Variants in FLII observed in about 807,000 individuals in gnomAD.
FLII encodes FLII actin remodeling protein.
A neutral mutation model predicts 156.2 loss-of-function variants in FLII; 101 were observed. The observed-to-expected ratio is 0.65, with a 90% CI of 0.55 to 0.76. The LOEUF (loss-of-function observed/expected upper bound fraction) is 0.76, where lower values mean the gene tolerates loss of function less well. Ranked by LOEUF, FLII falls within the 30% of genes least tolerant of loss-of-function variation. The pLI, the probability that FLII is intolerant of heterozygous loss-of-function variation, is 0.00. For synonymous variants in FLII, 767 were observed against 685.8 expected (o/e 1.12, Z -1.85); for missense variants, 1,675 against 1,682.8 (o/e 1.00, Z 0.08).
intron 25 of FLII, 47 bp downstream of exon 25, chr17:18,246,114 AC>A: frequency 6.2e-7 from 1 of 1,613,258 alleles, no homozygotes; most frequent in Non-Finnish European, 8.5e-7. Flanking sequence ...GCCCCCAAAC[AC>A]CCCACCCCTT....
chr17:18,247,123 G>GGGGCCC, intron 21 of FLII, 46 bp downstream of exon 21: 1 of 1,249,068 alleles, frequency 8.0e-7, no homozygotes, highest in Non-Finnish European at 1.0e-6. Context: ...CCCTCGGCCT[G>GGGGCCC]CCCCCCACCC....
chr17:18,249,406 C>T lies in FLII; in HGVS notation c.1779G>A (p.Val593=), dbSNP rs368808735. ...CAATGTAGGAGATGTCGTTGTCAAA[C>T]ACCTGTGTGTGTGAGGGTGTGGTTC... is the stretch of plus-strand genomic sequence containing the variant. ...MGDESEEFLQ[V]FDNDISYIEG... The change falls in exon 15 of 30, where the codon GTG becomes GTA. Residue 593 remains valine (V), a splice_region_variant and synonymous_variant. Transcript: ENST00000327031. 4.3e-6 allele frequency: 7 copies of T among 1,613,854 alleles called. No individual in the cohort carries two copies. In the African/African-American group the frequency reaches 9.3e-5, roughly 22 times the overall value.
rs1337636588 is a variant in FLII at position 18,254,526 on chromosome 17, C to G, written c.570G>C (p.Gln190His). Residue 190 changes from glutamine to histidine, a missense_variant, in exon 6 of 30, where the codon CAG becomes CAC. This residue lies in a region of FLII where 343 missense variants were observed against 413.5 expected (regional missense o/e 0.83). Coordinates refer to ENST00000327031, the MANE Select transcript of FLII (RefSeq NM_002018.4). ...CGGTCCGAGGGGGCGCCCACCGGAG[C>G]TGTGCATGCAGCAGGGGGTTTCCAT... ...VLNGNPLLHA[Q>H]LRQLPAMTAL... 6.2e-7 allele frequency: 1 copy of G among 1,610,314 alleles called. No homozygotes were observed. The highest frequency in any genetic ancestry group is 1.1e-5 in the South Asian group (1 of 90,804).
At chr17:18,252,627 G>C in intron 9 of FLII, 71 bp from the exon 10 acceptor site, 1 of 1,249,554 alleles carries the variant, frequency 8.0e-7, no homozygotes, top group South Asian at 1.2e-5. Context: ...AAAACCCCTA[G>C]TCCTGGGGAG....
At position 18,246,776 on chromosome 17, in the gene FLII, C is replaced by G; in HGVS notation, c.2869G>C (p.Glu957Gln). The G allele has an allele frequency of 1.3e-6, 2 of 1,588,372 alleles. No individual in the cohort carries two copies. The highest frequency in any genetic ancestry group is 2.2e-5 in the South Asian group (2 of 89,938). ...TCGCCTTCTTTGCCCTCGGCCTTCTCCTCCTTGTCTTCCTTCTTTTCCTCC... is the reference window on the plus strand; with the variant it reads ...TCGCCTTCTTTGCCCTCGGCCTTCTGCTCCTTGTCTTCCTTCTTTTCCTCC... ...EEEEKKEDKE[E>Q]KAEGKEGEEA... The change falls in exon 23 of 30, where the codon GAG (glutamate) becomes CAG (glutamine). Residue 957 changes from glutamate to glutamine, a missense_variant. Transcript: ENST00000327031.
At chr17:18,246,271 CGCTT>C (rs1226673605) in intron 24 of FLII, 33 bp downstream of exon 24, 3 of 1,613,984 alleles carry the variant, frequency 1.9e-6, no homozygotes, top group African/African-American at 2.7e-5. Context: ...GGCTCCCTGA[CGCTT>C]GCTCGCCACT....
At chr17:18,252,404 T>TC (rs2048298581) in intron 10 of FLII, 68 bp downstream of exon 10, 1 of 1,471,500 alleles carries the variant, frequency 6.8e-7, no homozygotes, top group African/African-American at 1.4e-5. Context: ...CTCTGCTGGG[T>TC]CCCCCTTGCT....
intron 14 of FLII, among the ~76,000 whole-genome samples, chr17:18,250,036 G>C (rs550257362): frequency 6.6e-6 from 1 of 152,016 alleles, no homozygotes; most frequent in Non-Finnish European, 1.5e-5. Flanking sequence ...CAGGAGAATC[G>C]CTTGAACCCT....
rs148305879 is a variant in FLII, at chr17:18,246,396, T to C, written c.3118A>G (p.Ile1040Val). Residue 1040 changes from isoleucine (I) to valine (V), a missense_variant, in exon 24 of 30, where the codon ATC (isoleucine) becomes GTC (valine). By Grantham distance (29) the Ile-to-Val change is conservative. Transcript: ENST00000327031. ...FLSHFKRKFI[I>V]HRGKRKAVQG... ...ACCGCCTTCCTCTTGCCCCGGTGGA[T>C]GATGAACTTCCTCTTGAAATGGGAC... 94 of 1,614,064 alleles carry C rather than the reference T, an allele frequency of 5.8e-5. No individual in the cohort carries two copies. In the African/African-American group the frequency reaches 1.1e-3, roughly 19 times the overall value.
At chr17:18,253,929 T>G (rs1478533699) in intron 7 of FLII, 150 bp downstream of exon 7, 35 of 743,140 alleles carry the variant, frequency 4.7e-5, no homozygotes, top group Non-Finnish European at 7.6e-5. Context: ...TGTTAAGGCA[T>G]CATCATAATC....
At position 18,247,971 on chromosome 17, in the gene FLII, A is replaced by C. The variant is rs1456132901; in HGVS notation, c.2253T>G (p.His751Gln). The C allele has an allele frequency of 6.2e-7, 1 of 1,614,118 alleles. No homozygotes were observed. Among genetic ancestry groups the C allele is most frequent in the East Asian group, 2.2e-5 (1 of 44,876 alleles). The part of the protein sequence containing the change: ...PQINYKLSVE[H>Q]KQRPKVELMP... ...TCAGCTCCACCTTGGGACGCTGCTT[A>C]TGTTCCACGGAGAGCTTGTAGTTGA... Residue 751 changes from histidine (H) to glutamine (Q), a missense_variant, in exon 19 of 30, where the codon CAT becomes CAG. Physicochemically the swap from His to Gln is conservative, Grantham distance 24. This residue lies in a region of FLII where 1,332 missense variants were observed against 1,269.3 expected (regional missense o/e 1.05). Coordinates refer to ENST00000327031, the MANE Select transcript of FLII (RefSeq NM_002018.4).
rs139453756 is a variant in FLII at position 18,251,899 on chromosome 17, C to G, written c.1247-83G>C. The G allele has an allele frequency of 1.9e-3, 3,019 of 1,605,654 alleles. 6 individuals carry two copies. Among genetic ancestry groups the G allele is most frequent in the Non-Finnish European group, 2.3e-3 (2,677 of 1,175,740 alleles). ...CGACCAACCAGGGGCCAACTCCACC[C>G]ACCAGGGTCCAGAAAGCTGTATGCC... On this transcript the variant is annotated intron_variant, in intron 11 of 29. Transcript: ENST00000327031.
Position 18,247,503 on chromosome 17 carries a change from G to A in FLII, c.2488-146C>T, listed in dbSNP as rs1406219411. The A allele has an allele frequency of 6.8e-6, 7 of 1,034,528 alleles. No individual in the cohort carries two copies. In the South Asian group the frequency reaches 7.9e-5, roughly 12 times the overall value. 64.1% of individuals were successfully genotyped at this position (1,034,528 alleles called of 1,614,324 possible). A position where few individuals can be genotyped will look rare whatever the true frequency, so the allele number is the denominator to read the frequency against. On this transcript the variant is annotated intron_variant, in intron 20 of 29. Coordinates refer to ENST00000327031, the MANE Select transcript of FLII (RefSeq NM_002018.4). ...TCGGACACGGAGGTAGGAATAGGAG[G>A]GGCAGCTTGCAGAGGGGGCGGGGCC...
Position 18,245,809 on chromosome 17 carries a change from C to G in FLII, c.3438G>C (p.Val1146=). ...CATAGGGCTTCTGTGCCCCAATGCC[C>G]ACCCAGAAGAAGTTCTCAGGCTCCT... ...EGEEPENFFW[V]GIGAQKPYDD... Residue 1146 remains valine (V), a synonymous_variant, in exon 27 of 30, where the codon GTG becomes GTC. Coordinates refer to ENST00000327031, the MANE Select transcript of FLII (RefSeq NM_002018.4). 6.2e-7 allele frequency: 1 copy of G among 1,614,092 alleles called. No individual in the cohort carries two copies.
At chr17:18,249,650 C>T (rs1196374820) in intron 14 of FLII, among the ~76,000 whole-genome samples, 1 of 151,874 alleles carries the variant, frequency 6.6e-6, no homozygotes, top group East Asian at 1.9e-4. Context: ...ATTAGCCAGG[C>T]GTGGTGGTGC....
intron 21 of FLII, 31 bp downstream of exon 21, chr17:18,247,138 C>CCCCCGCGCCCCGGTCCCGGCCCTG: frequency 8.1e-7 from 1 of 1,234,966 alleles, no homozygotes; most frequent in Non-Finnish European, 1.1e-6. Flanking sequence ...CCACCCCCCC[C>CCCCCGCGCCCCGGTCCCGGCCCTG]CCCGCGCCCC....
At chr17:18,252,346 A>T in intron 10 of FLII, 126 bp downstream of exon 10, 1 of 974,184 alleles carries the variant, frequency 1.0e-6, no homozygotes, top group Non-Finnish European at 1.6e-6. Flanking sequence ...GGTGGGGCCC[A>T]CCTTCTCCCC....
At chr17:18,251,063 C>A in intron 13 of FLII, 46 bp from the exon 14 acceptor site, 1 of 1,572,856 alleles carries the variant, frequency 6.4e-7, no homozygotes, top group East Asian at 2.3e-5. Flanking sequence ...CCTGGTCTTC[C>A]GGCCACCCCG....
At position 18,247,246 on chromosome 17, in the gene FLII, C is replaced by T. The variant is rs145963430; in HGVS notation, c.2599G>A (p.Ala867Thr). The change falls in exon 21 of 30, where the codon GCC becomes ACC. Residue 867 changes from alanine to threonine, a missense_variant. By Grantham distance (58) the Ala-to-Thr change is moderately conservative. Transcript: ENST00000327031. ...PGLSGKVKRD[A>T]EKKDQMKADL... The stretch of plus-strand genomic sequence containing the variant: ...GCCTTCATCTGGTCTTTCTTCTCGG[C>T]GTCGCGTTTCACCTTCCCGGAGAGA... 5.0e-5 allele frequency: 81 copies of T among 1,606,446 alleles called. No homozygotes were observed. In the African/African-American group the frequency reaches 9.9e-4, roughly 20 times the overall value.
Sources: allele counts gnomAD v4.1 joint callset (sites outside exome capture counted in the v4.1 genomes callset), GRCh38; gene constraint gnomAD v4.1.1; regional missense constraint gnomAD v4.1.1; transcripts MANE v1.5; gene names NCBI Gene and HGNC (gene_info 2026-07-23, HGNC 2026-07-21).